LOXL2: variants seen among roughly 807,000 people sequenced by gnomAD.
The protein encoded by LOXL2 is lysyl oxidase like 2, also known as lysyl oxidase homolog 2.
A neutral mutation model predicts 93.0 loss-of-function variants in LOXL2; 70 were observed. That is an observed-to-expected ratio of 0.75 (90% CI 0.62 to 0.92). The LOEUF (loss-of-function observed/expected upper bound fraction) is 0.92, where lower values mean the gene tolerates loss of function less well. Among genes scored for constraint, LOXL2 ranks in the 40% least tolerant of loss-of-function variants. The pLI is 0.00. For missense variants in LOXL2, 973 were observed against 1,054.9 expected, an observed-to-expected ratio of 0.92 and a Z score of 1.08; for synonymous variants, 438 against 413.2, an observed-to-expected ratio of 1.06 and a Z score of -0.73.
At chr8:23,361,601 T>C (rs1216625059) in intron 2 of LOXL2, among the ~76,000 whole-genome samples, 1 of 152,088 alleles carries the variant, frequency 6.6e-6, no homozygotes, top group Non-Finnish European at 1.5e-5. Flanking sequence ...CCAGCACTTT[T>C]GGAGGCCAAG....
intron 1 of LOXL2, among the ~76,000 whole-genome samples, chr8:23,401,204 T>G (rs1427266835): frequency 6.6e-6 from 1 of 152,198 alleles, no homozygotes; most frequent in Non-Finnish European, 1.5e-5. Flanking sequence ...AACTCTTTAG[T>G]GGGACCTTGT....
chr8:23,316,760 A>G lies in LOXL2; in HGVS notation c.1636+189T>C, dbSNP rs545698308. 5.2e-5 allele frequency: 31 copies of G among 593,344 alleles called. 1 individual carries two copies. In the African/African-American group the frequency reaches 5.4e-4, roughly 10 times the overall value. The allele number at this position is 593,344 out of a possible 1,614,324, so 36.8% of individuals were successfully genotyped here. A position where few individuals can be genotyped will look rare whatever the true frequency, so the allele number is the denominator to read the frequency against. On this transcript the variant is annotated intron_variant, in intron 9 of 13. Coordinates refer to ENST00000389131, the MANE Select transcript of LOXL2 (RefSeq NM_002318.3). Reference sequence around the variant, plus strand: ...TCCCTCCCGCTTTTCTCCCCACTACATCATAGACAGCGATCTGTGGTTGGG... The same window carrying G: ...TCCCTCCCGCTTTTCTCCCCACTACGTCATAGACAGCGATCTGTGGTTGGG...
chr8:23,343,111 C>T (rs1402104181), intron 3 of LOXL2, among the ~76,000 whole-genome samples: 1 of 152,144 alleles, frequency 6.6e-6, no homozygotes, highest in Non-Finnish European at 1.5e-5. Flanking sequence ...TATGTAATAC[C>T]CTAATATTGA....
chr8:23,318,494 T>C (rs1040839929), intron 8 of LOXL2, among the ~76,000 whole-genome samples: 1 of 152,120 alleles, frequency 6.6e-6, no homozygotes, highest in African/African-American at 2.4e-5. Context: ...ACTGGTTTTG[T>C]TTCTCTAGAG....
At chr8:23,355,309 A>G (rs879876651) in intron 3 of LOXL2, among the ~76,000 whole-genome samples, 11 of 130,596 alleles carry the variant, frequency 8.4e-5, no homozygotes, top group Non-Finnish European at 1.8e-4. Flanking sequence ...GAAGAGAACC[A>G]TCTCCCCCCA....
intron 1 of LOXL2, among the ~76,000 whole-genome samples, chr8:23,402,185 G>A (rs1218042574): frequency 6.6e-6 from 1 of 151,694 alleles, no homozygotes; most frequent in Non-Finnish European, 1.5e-5. Context: ...GCACACACAC[G>A]TGCCCGCGCA....
intron 1 of LOXL2, among the ~76,000 whole-genome samples, chr8:23,369,965 C>A (rs183126270): frequency 1.3e-5 from 2 of 152,248 alleles, no homozygotes; most frequent in Non-Finnish European, 2.9e-5. Flanking sequence ...TCTTATTTTA[C>A]AACAAAATCA....
intron 3 of LOXL2, among the ~76,000 whole-genome samples, chr8:23,357,827 C>T (rs1473852991): frequency 2.0e-5 from 3 of 152,156 alleles, no homozygotes; most frequent in African/African-American, 7.2e-5. Context: ...TTATTTGCTT[C>T]CATGTGCTTC....
chr8:23,354,492 C>G (rs1223439877), intron 3 of LOXL2, among the ~76,000 whole-genome samples: 1 of 152,140 alleles, frequency 6.6e-6, no homozygotes, highest in Non-Finnish European at 1.5e-5. Flanking sequence ...AGTGAAAAGT[C>G]TGCACCTGGT....
At chr8:23,350,289 T>C (rs914003089) in intron 3 of LOXL2, among the ~76,000 whole-genome samples, 1 of 152,202 alleles carries the variant, frequency 6.6e-6, no homozygotes, top group African/African-American at 2.4e-5. Context: ...TTTAAGAGGC[T>C]GCTGGGGGAC....
chr8:23,380,051 G>A (rs1196289788), intron 1 of LOXL2, among the ~76,000 whole-genome samples: 1 of 152,204 alleles, frequency 6.6e-6, no homozygotes, highest in Non-Finnish European at 1.5e-5. Flanking sequence ...GACGTAGACT[G>A]AAGCTGTTCC....
Position 23,298,157 on chromosome 8 carries a change from A to G in LOXL2, c.2246-35T>C, listed in dbSNP as rs771799822. 5 of 1,544,252 alleles carry G rather than the reference A, an allele frequency of 3.2e-6. No individual in the cohort carries two copies. In the South Asian group the frequency reaches 5.6e-5, roughly 17 times the overall value. On this transcript the variant is annotated intron_variant, in intron 13 of 13. Coordinates refer to ENST00000389131, the MANE Select transcript of LOXL2 (RefSeq NM_002318.3). ...GAGAATCGGGTAGAGAGAGTGGACA[A>G]ATGAGATGCTCGGGCCTTGCCTGAC...
In LOXL2 at chr8:23,328,459, A is replaced by G. The variant is rs1165174423; in HGVS notation, c.1073T>C (p.Val358Ala). The G allele has an allele frequency of 1.2e-6, 2 of 1,613,976 alleles. No homozygotes were observed. The highest frequency in any genetic ancestry group is 1.1e-5 in the South Asian group (1 of 91,090). Residue 358 changes from valine to alanine, a missense_variant, in exon 6 of 14, where the codon GTG (valine) becomes GCG (alanine). Val to Ala is a moderately conservative substitution (Grantham distance 64, BLOSUM62 0). Transcript: ENST00000389131. ...GTVCDDKWDL[V>A]SASVVCRELG... ...CTCTCTGCAGACCACACTGGCCGAC[A>G]CCAGGTCCCACTTGTCGTCGCAGAC...
intron 2 of LOXL2, among the ~76,000 whole-genome samples, chr8:23,366,426 G>C (rs919253982): frequency 2.0e-5 from 3 of 152,224 alleles, no homozygotes; most frequent in Non-Finnish European, 4.4e-5. Flanking sequence ...ATGTGTATGA[G>C]ATGGGACTTC....
intron 3 of LOXL2, among the ~76,000 whole-genome samples, chr8:23,356,804 T>C (rs73224482): frequency 0.16 from 24,214 of 152,162 alleles, 2,136 homozygotes; most frequent in Admixed American, 0.24. Flanking sequence ...GACATCTCCA[T>C]AGGTTGCCCT....
chr8:23,346,142 T>TAATAAAAATAAAAA (rs1482289467), intron 3 of LOXL2, among the ~76,000 whole-genome samples: 2 of 112,558 alleles, frequency 1.8e-5, no homozygotes, highest in Non-Finnish European at 3.8e-5. Flanking sequence ...TAAAATAAAA[T>TAATAAAAATAAAAA]AAATAAAATA....
rs1204879895 is a variant in LOXL2, at chr8:23,383,646, G to GT, written c.-83-15213dup. ...GTTATTTCTAAGAGGGCACTTTTAC[G>GT]TTTTTTTTTTGTTTTTTTTTTTTTT... On this transcript the variant is annotated intron_variant, in intron 1 of 13. Transcript: ENST00000389131. Among the ~76,000 whole-genome samples the GT allele has an allele frequency of 2.3e-3, 273 of 117,596 alleles. 9 individuals carry two copies. The highest frequency in any genetic ancestry group is 0.016 in the South Asian group (61 of 3,766). The allele number at this position is 117,596 out of a possible 152,430, so 77.1% of individuals were successfully genotyped here.
At chr8:23,333,796 C>A (rs1803745829) in intron 4 of LOXL2, among the ~76,000 whole-genome samples, 173 bp from the exon 5 acceptor site, 1 of 152,226 alleles carries the variant, frequency 6.6e-6, no homozygotes, top group Non-Finnish European at 1.5e-5. Flanking sequence ...CCTGCTAATG[C>A]CTGCACCACA....
intron 1 of LOXL2, among the ~76,000 whole-genome samples, chr8:23,392,206 T>G (rs1232938589): frequency 6.6e-6 from 1 of 152,134 alleles, no homozygotes; most frequent in Non-Finnish European, 1.5e-5. Flanking sequence ...TTTCAGCTTG[T>G]CTGGAAATTT....
Sources: allele counts gnomAD v4.1 joint callset (sites outside exome capture counted in the v4.1 genomes callset), GRCh38; gene constraint gnomAD v4.1.1; transcripts MANE v1.5; gene names NCBI Gene and HGNC (gene_info 2026-07-23, HGNC 2026-07-21).